Variants in C10orf71 observed in about 807,000 individuals in gnomAD.
C10orf71 encodes chromosome 10 open reading frame 71.
For synonymous variants in C10orf71, 758 were observed against 726.3 expected (o/e 1.04, Z -0.70); for missense variants, 1,869 against 1,804.5 (o/e 1.04, Z -0.65).
chr10:49,319,777 A>ACT (rs1332817340), intron 2 of C10orf71, among the ~76,000 whole-genome samples: 1 of 150,102 alleles, frequency 6.7e-6, no homozygotes, highest in Non-Finnish European at 1.5e-5. Context: ...TATATCACAC[A>ACT]CACACACACA....
chr10:49,324,923 A>C lies in C10orf71; in HGVS notation c.2378A>C (p.Asn793Thr). 1 of 1,550,686 alleles carries C rather than the reference A, an allele frequency of 6.4e-7. No individual in the cohort carries two copies. The highest frequency in any genetic ancestry group is 8.7e-7 in the Non-Finnish European group (1 of 1,146,224). ...ALSNGHACLE[N>T]RSQGEALQRE... ...AGCAATGGGCACGCATGCCTGGAAA[A>C]CCGCAGCCAGGGGGAAGCATTGCAA... The change falls in exon 3 of 3, where the codon AAC (asparagine) becomes ACC (threonine). Residue 793 changes from asparagine to threonine, a missense_variant. Asn to Thr is a moderately conservative substitution (Grantham distance 65). Transcript: ENST00000374144.
At chr10:49,308,177 AG>A (rs1163729770) in intron 1 of C10orf71, among the ~76,000 whole-genome samples, 1 of 152,208 alleles carries the variant, frequency 6.6e-6, no homozygotes, top group Non-Finnish European at 1.5e-5. Context: ...TGACAAGCCC[AG>A]GCAAGCTGGT....
At chr10:49,303,855 T>A (rs372532965) in intron 1 of C10orf71, among the ~76,000 whole-genome samples, 11 of 152,310 alleles carry the variant, frequency 7.2e-5, no homozygotes, top group African/African-American at 2.6e-4. Context: ...GTTCTCCCCT[T>A]TCCTTCCCCT....
At chr10:49,299,919 A>G (rs1848696410) in intron 1 of C10orf71, among the ~76,000 whole-genome samples, 1 of 152,208 alleles carries the variant, frequency 6.6e-6, no homozygotes, top group South Asian at 2.1e-4. Context: ...GGGCTCTGCG[A>G]GCATGTGTGT....
At position 49,323,537 on chromosome 10, in the gene C10orf71, G is replaced by A. The variant is rs1187452628; in HGVS notation, c.992G>A (p.Cys331Tyr). ...TCTCCCTGCCAGGTCCAGGCCAGCT[G>A]CAGTCAGGAAGAGAACAGACTTGCA... ...TVSPCQVQAS[C>Y]SQEENRLAAG... The change falls in exon 3 of 3, where the codon TGC (cysteine) becomes TAC (tyrosine). Residue 331 changes from cysteine (C) to tyrosine (Y), a missense_variant. By Grantham distance (194) the Cys-to-Tyr change is radical (BLOSUM62 -2). Coordinates refer to ENST00000374144, the MANE Select transcript of C10orf71 (RefSeq NM_001135196.2). The A allele has an allele frequency of 1.2e-6, 2 of 1,610,110 alleles. No individual in the cohort carries two copies. Among genetic ancestry groups the A allele is most frequent in the South Asian group, 1.1e-5 (1 of 90,778 alleles).
Position 49,325,569 on chromosome 10 carries a change from G to T in C10orf71, c.3024G>T (p.Glu1008Asp). ...PWHIPTIALP[E>D]GDIEDQPPPW... ...ACATCCCCACCATTGCTTTACCCGAGGGTGACATAGAAGACCAGCCACCCC... is the reference window on the plus strand; with the variant it reads ...ACATCCCCACCATTGCTTTACCCGATGGTGACATAGAAGACCAGCCACCCC... The change falls in exon 3 of 3, where the codon GAG becomes GAT. Residue 1008 changes from glutamate to aspartate, a missense_variant. Glu to Asp is a conservative substitution (Grantham distance 45). Coordinates refer to ENST00000374144, the MANE Select transcript of C10orf71 (RefSeq NM_001135196.2). 1 of 1,550,808 alleles carries T rather than the reference G, an allele frequency of 6.4e-7. No homozygotes were observed. Among genetic ancestry groups the T allele is most frequent in the Non-Finnish European group, 8.7e-7 (1 of 1,146,168 alleles).
At position 49,306,149 on chromosome 10, in the gene C10orf71, C is replaced by T. The variant is rs1435247283; in HGVS notation, c.-248+6916C>T. ...GGCACGGGGCTGCAATGGTCAGGGC[C>T]TTCTGAACCTCCTTCTAGTCCAGGC... On this transcript the variant is annotated intron_variant, in intron 1 of 2. Transcript: ENST00000374144. Among the ~76,000 whole-genome samples, 5 of 152,350 alleles carry T rather than the reference C, an allele frequency of 3.3e-5. No individual in the cohort carries two copies. The Middle Eastern group carries it at 0.01, about 311-fold the overall frequency.
chr10:49,303,129 G>A (rs1323847165), intron 1 of C10orf71, among the ~76,000 whole-genome samples: 1 of 152,126 alleles, frequency 6.6e-6, no homozygotes, highest in African/African-American at 2.4e-5. Context: ...AGTCACCAAG[G>A]AGAAAGTCCT....
chr10:49,326,533 G>A lies in C10orf71; in HGVS notation c.3988G>A (p.Ala1330Thr), dbSNP rs866677990. The A allele has an allele frequency of 3.9e-6, 6 of 1,550,386 alleles. No homozygotes were observed. Among genetic ancestry groups the A allele is most frequent in the Non-Finnish European group, 4.4e-6 (5 of 1,146,838 alleles). ...PEPPPPDALA[A>T]PYVLYPGFQP... ...GCCGCCCCCACCGGACGCCCTGGCCGCTCCCTATGTGCTGTACCCCGGCTT... is the reference window on the plus strand; with the variant it reads ...GCCGCCCCCACCGGACGCCCTGGCCACTCCCTATGTGCTGTACCCCGGCTT... The change falls in exon 3 of 3, where the codon GCT (alanine) becomes ACT (threonine). Residue 1330 changes from alanine (A) to threonine (T), a missense_variant. By Grantham distance (58) the Ala-to-Thr change is moderately conservative (BLOSUM62 0). Coordinates refer to ENST00000374144, the MANE Select transcript of C10orf71 (RefSeq NM_001135196.2).
chr10:49,312,472 T>G (rs577632549), intron 1 of C10orf71, among the ~76,000 whole-genome samples: 154 of 152,138 alleles, frequency 1.0e-3, no homozygotes, highest in Non-Finnish European at 1.9e-3. Flanking sequence ...ACCCTATAAT[T>G]TAGATAACGC....
intron 1 of C10orf71, among the ~76,000 whole-genome samples, chr10:49,300,627 CT>C (rs879417610): frequency 6.6e-6 from 1 of 152,126 alleles, no homozygotes; most frequent in Admixed American, 6.5e-5. Context: ...TGTCACGGTG[CT>C]GGGAGGGTTA....
At chr10:49,310,858 T>A (rs1055400679) in intron 1 of C10orf71, among the ~76,000 whole-genome samples, 1 of 152,206 alleles carries the variant, frequency 6.6e-6, no homozygotes, top group African/African-American at 2.4e-5. Flanking sequence ...CCAGTGGAAT[T>A]TGAATTTCAG....
Position 49,316,223 on chromosome 10 carries a change from C to T in C10orf71, c.-169C>T, listed in dbSNP as rs1393252478. ...ATCCTGAAACCCAGCACGGCAGGCA[C>T]CTGCAGCTTCCAGTGCTGTAACAGG... is the stretch of plus-strand genomic sequence containing the variant. On this transcript the variant is annotated 5_prime_UTR_variant, in exon 2 of 3. Transcript: ENST00000374144. The T allele has an allele frequency of 6.6e-6, 1 of 152,074 alleles. No homozygotes were observed. The highest frequency in any genetic ancestry group is 1.5e-5 in the Non-Finnish European group (1 of 68,020). 9.4% of individuals were successfully genotyped at this position (152,074 alleles called of 1,614,324 possible).
In C10orf71 at chr10:49,326,786, A is replaced by C. The variant is rs1318294421; in HGVS notation, c.4241A>C (p.Glu1414Ala). 2.8e-5 allele frequency: 43 copies of C among 1,550,292 alleles called. No individual in the cohort carries two copies. The highest frequency in any genetic ancestry group is 3.5e-5 in the Non-Finnish European group (40 of 1,146,980). Residue 1414 changes from glutamate to alanine, a missense_variant, in exon 3 of 3, where the codon GAA (glutamate) becomes GCA (alanine). Physicochemically the swap from Glu to Ala is moderately radical, Grantham distance 107 (BLOSUM62 -1). Transcript: ENST00000374144. Reference protein sequence around the residue: ...PPQSPGEEGVEAPGLGIISTD... With the variant: ...PPQSPGEEGVAAPGLGIISTD... ...CAGAGCCCAGGAGAGGAGGGTGTAG[A>C]AGCTCCAGGCCTGGGCATCATCTCC...
chr10:49,318,903 G>T (rs1391583863), intron 2 of C10orf71, among the ~76,000 whole-genome samples: 1 of 152,236 alleles, frequency 6.6e-6, no homozygotes, highest in Non-Finnish European at 1.5e-5. Flanking sequence ...AGCCAGGCAG[G>T]ATCTGGGGCT....
At position 49,322,974 on chromosome 10, in the gene C10orf71, A is replaced by G; in HGVS notation, c.429A>G (p.Val143=). The change falls in exon 3 of 3, where the codon GTA becomes GTG. Residue 143 remains valine (V), a synonymous_variant. Transcript: ENST00000374144. ...GCAGCAATAAGCCTGTCTCCAAAGT[A>G]TCAACACTAATTAAATCTTTCGACA... ...LRSSNKPVSK[V]STLIKSFDRT... is the part of the protein sequence containing the mutation. 1.2e-6 allele frequency: 2 copies of G among 1,614,012 alleles called. No homozygotes were observed. The highest frequency in any genetic ancestry group is 1.7e-6 in the Non-Finnish European group (2 of 1,179,900).
At chr10:49,319,041 TG>T (rs1205509539) in intron 2 of C10orf71, among the ~76,000 whole-genome samples, 4 of 152,230 alleles carry the variant, frequency 2.6e-5, no homozygotes, top group African/African-American at 9.6e-5. Context: ...CTGCTGTGAA[TG>T]GGAGTTCTCT....
At chr10:49,308,204 C>G (rs981342597) in intron 1 of C10orf71, among the ~76,000 whole-genome samples, 1 of 152,186 alleles carries the variant, frequency 6.6e-6, no homozygotes, top group African/African-American at 2.4e-5. Context: ...CAACCACAAC[C>G]CCTGGGGCAT....
intron 1 of C10orf71, among the ~76,000 whole-genome samples, chr10:49,309,806 G>T (rs1051722221): frequency 6.6e-6 from 1 of 152,192 alleles, no homozygotes; most frequent in Non-Finnish European, 1.5e-5. Context: ...ACACATGCCT[G>T]AGTCGATGGC....
Sources: allele counts gnomAD v4.1 joint callset (sites outside exome capture counted in the v4.1 genomes callset), GRCh38; gene constraint gnomAD v4.1.1; transcripts MANE v1.5; gene names NCBI Gene and HGNC (gene_info 2026-07-23, HGNC 2026-07-21).